MSH4: variants seen among roughly 807,000 people sequenced by gnomAD.
MSH4 encodes the protein mutS homolog 4.
A neutral mutation model predicts 113.7 loss-of-function variants in MSH4; 106 were observed. The observed-to-expected ratio is 0.93, with a 90% CI of 0.80 to 1.10. The LOEUF (loss-of-function observed/expected upper bound fraction) is 1.10. MSH4 is among the 50% of genes least tolerant of loss of function. MSH4 has a pLI of 0.00. For missense variants in MSH4, 1,061 were observed against 1,093.7 expected (o/e 0.97, Z 0.42); for synonymous variants, 368 against 380.2 (o/e 0.97, Z 0.37).
At chr1:75,820,640 GTATTTC>G (rs1650389274) in intron 6 of MSH4, among the ~76,000 whole-genome samples, 1 of 152,122 alleles carries the variant, frequency 6.6e-6, no homozygotes, top group Non-Finnish European at 1.5e-5. Context: ...ATGGTAGTTT[GTATTTC>G]TGTGGGATCA....
intron 7 of MSH4, among the ~76,000 whole-genome samples, chr1:75,825,530 T>A (rs1002654546): frequency 3.9e-5 from 6 of 152,170 alleles, no homozygotes; most frequent in Non-Finnish European, 7.4e-5. Flanking sequence ...AAGGACATCC[T>A]TGTCTTGTGC....
chr1:75,844,947 A>G (rs1651044350), intron 7 of MSH4, among the ~76,000 whole-genome samples: 1 of 152,226 alleles, frequency 6.6e-6, no homozygotes, highest in Non-Finnish European at 1.5e-5. Flanking sequence ...CCACGCCAAA[A>G]GGCAGAAGGA....
Position 75,806,696 on chromosome 1 carries a change from C to T in MSH4, c.428-285C>T, listed in dbSNP as rs573920075. ...TGCCACCTGTACCCTCCACAAGCCACCTTACTCTTCTTTAGAGGAGTCTTG... is the reference window on the plus strand; with the variant it reads ...TGCCACCTGTACCCTCCACAAGCCATCTTACTCTTCTTTAGAGGAGTCTTG... On this transcript the variant is annotated intron_variant, in intron 2 of 19. Transcript: ENST00000263187. Among the ~76,000 whole-genome samples, 13 of 152,246 alleles carry T rather than the reference C, an allele frequency of 8.5e-5. No individual in the cohort carries two copies. The East Asian group carries it at 9.6e-4, about 11-fold the overall frequency.
intron 19 of MSH4, among the ~76,000 whole-genome samples, chr1:75,911,757 A>G (rs1242849823): frequency 6.6e-6 from 1 of 152,098 alleles, no homozygotes; most frequent in African/African-American, 2.4e-5. Context: ...AGATGGGTGA[A>G]TATATGGTAA....
At chr1:75,824,768 C>T (rs1209862915) in intron 7 of MSH4, among the ~76,000 whole-genome samples, 1 of 146,928 alleles carries the variant, frequency 6.8e-6, no homozygotes, top group African/African-American at 2.4e-5. Context: ...GTTTGTCAAA[C>T]ATATGTGGTG....
intron 4 of MSH4, 106 bp downstream of exon 4, chr1:75,810,913 C>A: frequency 1.9e-6 from 1 of 527,250 alleles, no homozygotes; most frequent in Non-Finnish European, 3.1e-6. Flanking sequence ...ACTCTGTCAC[C>A]CAGGCTGGAG....
chr1:75,854,078 T>A (rs1453440882), intron 8 of MSH4, among the ~76,000 whole-genome samples: 3 of 147,406 alleles, frequency 2.0e-5, no homozygotes, highest in African/African-American at 7.3e-5. Flanking sequence ...TATTTATCTA[T>A]ACAATAGAAA....
At position 75,822,583 on chromosome 1, in the gene MSH4, T is replaced by C; in HGVS notation, c.1162+2T>C. On this transcript the variant is annotated splice_donor_variant, in intron 7 of 19. Transcript: ENST00000263187. LOFTEE classifies it high-confidence loss of function. Reference sequence around the variant, plus strand: ...AACTATTTTTTGGACTTCAATCAGGTAAATCAATATTATTTAATATTATAA... The same window carrying C: ...AACTATTTTTTGGACTTCAATCAGGCAAATCAATATTATTTAATATTATAA... 1 of 1,400,786 alleles carries C rather than the reference T, an allele frequency of 7.1e-7. No homozygotes were observed. The highest frequency in any genetic ancestry group is 9.6e-7 in the Non-Finnish European group (1 of 1,045,116). 86.8% of individuals were successfully genotyped at this position (1,400,786 alleles called of 1,614,324 possible). A position where few individuals can be genotyped will look rare whatever the true frequency, so the allele number is the denominator to read the frequency against.
intron 8 of MSH4, among the ~76,000 whole-genome samples, chr1:75,852,528 T>A (rs544168801): frequency 6.6e-6 from 1 of 152,188 alleles, no homozygotes; most frequent in Non-Finnish European, 1.5e-5. Context: ...TTTCTCCACA[T>A]CCTTGTCAAG....
chr1:75,850,128 T>A (rs974937505), intron 8 of MSH4, among the ~76,000 whole-genome samples: 2 of 152,110 alleles, frequency 1.3e-5, no homozygotes, highest in Non-Finnish European at 2.9e-5. Context: ...CAACTTTCTA[T>A]TTCATTGGTT....
intron 15 of MSH4, among the ~76,000 whole-genome samples, chr1:75,887,575 T>TA (rs1336394907): frequency 4.6e-5 from 7 of 152,062 alleles, no homozygotes; most frequent in African/African-American, 1.2e-4. Flanking sequence ...TTAACACTCA[T>TA]AAAAATATGA....
intron 7 of MSH4, among the ~76,000 whole-genome samples, chr1:75,843,937 G>A (rs540527601): frequency 1.3e-5 from 2 of 151,970 alleles, no homozygotes; most frequent in East Asian, 1.9e-4. Flanking sequence ...TCAGCCTCCC[G>A]AGTAGCGGGG....
intron 8 of MSH4, among the ~76,000 whole-genome samples, chr1:75,855,228 G>A (rs533131192): frequency 6.6e-6 from 1 of 152,046 alleles, no homozygotes; most frequent in Admixed American, 6.6e-5. Flanking sequence ...TGTAGAGATG[G>A]GGAATTGTCT....
intron 6 of MSH4, 91 bp from the exon 7 acceptor site, chr1:75,822,318 G>C: frequency 1.4e-6 from 1 of 737,002 alleles, no homozygotes; most frequent in Non-Finnish European, 2.2e-6. Flanking sequence ...AATCATTGCT[G>C]TAGATTATAG....
intron 8 of MSH4, among the ~76,000 whole-genome samples, chr1:75,852,905 C>T (rs1030244892): frequency 1.3e-5 from 2 of 152,118 alleles, no homozygotes; most frequent in African/African-American, 4.8e-5. Context: ...CTCCCATAAA[C>T]ATGGATACTT....
rs1181309594 is a variant in MSH4, at chr1:75,895,595, A to G, written c.2356-2312A>G. On this transcript the variant is annotated intron_variant, in intron 17 of 19. Coordinates refer to ENST00000263187, the MANE Select transcript of MSH4 (RefSeq NM_002440.4). ...ATTTGGTATGATTTTTTTGGTGTGT[A>G]TATATATACATATATTAAACAAATA... Among the ~76,000 whole-genome samples the G allele has an allele frequency of 2.6e-5, 4 of 152,240 alleles. No individual in the cohort carries two copies. In the East Asian group the frequency reaches 7.7e-4, roughly 29 times the overall value.
chr1:75,899,455 C>A (rs893342749), intron 18 of MSH4, among the ~76,000 whole-genome samples, 163 bp from the exon 19 acceptor site: 7 of 152,044 alleles, frequency 4.6e-5, no homozygotes, highest in Non-Finnish European at 8.8e-5. Context: ...AAGTTGTCAT[C>A]CAGAATTTTA....
intron 15 of MSH4, among the ~76,000 whole-genome samples, chr1:75,885,606 C>A (rs372975042): frequency 4.1e-4 from 4 of 9,768 alleles, no homozygotes; most frequent in African/African-American, 1.1e-3. Context: ...TTATATATTA[C>A]ATATGTATTA....
intron 8 of MSH4, among the ~76,000 whole-genome samples, chr1:75,860,817 A>C (rs887100579): frequency 8.5e-5 from 13 of 152,238 alleles, no homozygotes; most frequent in Non-Finnish European, 1.3e-4. Context: ...CTGTCTTGCT[A>C]GGTTGGGGAA....
Sources: gnomAD v4.1 joint callset for allele counts (sites outside exome capture counted in the v4.1 genomes callset) on GRCh38, gnomAD v4.1.1 for gene constraint, MANE v1.5 for transcripts, NCBI Gene and HGNC (gene_info 2026-07-23, HGNC 2026-07-21) for gene names.